The following SLC16A1 variants were observed in gnomAD, a reference collection of about 807,000 sequenced individuals.
SLC16A1 encodes the protein monocarboxylate transporter 1.
In SLC16A1, 11 loss-of-function variants were observed where a neutral mutation model predicts 32.2. The ratio of observed to expected loss-of-function variants is 0.34; its 90% CI spans 0.21 to 0.56. The LOEUF is 0.56. Among genes scored for constraint, SLC16A1 ranks in the 20% least tolerant of loss-of-function variants. SLC16A1 has a pLI of 0.87. For missense variants in SLC16A1, 435 were observed against 615.0 expected (o/e 0.71, Z 3.10); for synonymous variants, 231 against 226.8 (o/e 1.02, Z -0.17).
chr1:112,929,544 A>G (rs749581943), intron 1 of SLC16A1, among the ~76,000 whole-genome samples, 192 bp from the exon 2 acceptor site: 17 of 152,042 alleles, frequency 1.1e-4, no homozygotes, highest in Non-Finnish European at 1.9e-4. Context: ...TCCTGTGTCT[A>G]AGAAAATTTT....
intron 2 of SLC16A1, among the ~76,000 whole-genome samples, chr1:112,927,350 C>T (rs982045176): frequency 6.6e-6 from 1 of 151,604 alleles, no homozygotes; most frequent in African/African-American, 2.4e-5. Context: ...ATCTCTTCCC[C>T]GCAAAATATA....
Position 112,913,971 on chromosome 1 carries a change from T to C in SLC16A1, c.1423A>G (p.Asn475Asp). Residue 475 changes from asparagine to aspartate, a missense_variant, in exon 5 of 5, where the codon AAT becomes GAT. By Grantham distance (23) the Asn-to-Asp change is conservative (BLOSUM62 1). Coordinates refer to ENST00000369626, the MANE Select transcript of SLC16A1 (RefSeq NM_003051.4). ...GATTCTGCTGCTTTGGTAACTTCATTTGGCTTCCCAGCAACATCTATACTG... is the reference window on the plus strand; with the variant it reads ...GATTCTGCTGCTTTGGTAACTTCATCTGGCTTCCCAGCAACATCTATACTG... ...ETSIDVAGKP[N>D]EVTKAAESPD... is the part of the protein sequence containing the mutation. 1 of 1,614,212 alleles carries C rather than the reference T, an allele frequency of 6.2e-7. No individual in the cohort carries two copies. Among genetic ancestry groups the C allele is most frequent in the Middle Eastern group, 1.6e-4 (1 of 6,062 alleles).
Position 112,917,101 on chromosome 1 carries a change from G to A in SLC16A1, c.1228+77C>T. On this transcript the variant is annotated intron_variant, in intron 4 of 4. Coordinates refer to ENST00000369626, the MANE Select transcript of SLC16A1 (RefSeq NM_003051.4). This position sits in a 1 kb window ranked among gnomAD's most constrained non-coding sequence, Gnocchi z 4.1. Reference sequence around the variant, plus strand: ...ATTCTTACCCAAATAGCTCACTAATGTTTGCTTTCTGTCAGCATTCCCATC... The same window carrying A: ...ATTCTTACCCAAATAGCTCACTAATATTTGCTTTCTGTCAGCATTCCCATC... 1.9e-6 allele frequency: 3 copies of A among 1,579,272 alleles called. No individual in the cohort carries two copies. Among genetic ancestry groups the A allele is most frequent in the Non-Finnish European group, 2.6e-6 (3 of 1,151,308 alleles).
chr1:112,934,484 C>T (rs529761044), intron 1 of SLC16A1, among the ~76,000 whole-genome samples: 390 of 151,170 alleles, frequency 2.6e-3, no homozygotes, highest in Non-Finnish European at 4.5e-3. Context: ...GACAGTTACT[C>T]ATCAAAGTAT....
chr1:112,918,408 G>A (rs1029313324), intron 3 of SLC16A1, among the ~76,000 whole-genome samples: 2 of 152,166 alleles, frequency 1.3e-5, no homozygotes, highest in African/African-American at 4.8e-5. Context: ...ATTTGAAGGT[G>A]AATAACTATT....
At chr1:112,924,859 G>A (rs1212819177) in intron 2 of SLC16A1, among the ~76,000 whole-genome samples, 1 of 152,034 alleles carries the variant, frequency 6.6e-6, no homozygotes, top group Non-Finnish European at 1.5e-5. Context: ...GCAACAGAGT[G>A]AGGTTCTGTC....
rs920871210 is a variant in SLC16A1 at position 112,919,274 on chromosome 1, T to G, written c.362-1230A>C. 2.0e-5 allele frequency among the ~76,000 whole-genome samples: 3 copies of G among 152,236 alleles called. No individual in the cohort carries two copies. The South Asian group carries it at 6.2e-4, about 32-fold the overall frequency. On this transcript the variant is annotated intron_variant, in intron 3 of 4. Coordinates refer to ENST00000369626, the MANE Select transcript of SLC16A1 (RefSeq NM_003051.4). ...TGGTCTCGATCTCCTGACCTCGTGATCCACCTGGCTCGGCCTCCCAAAGTG... is the reference window on the plus strand; with the variant it reads ...TGGTCTCGATCTCCTGACCTCGTGAGCCACCTGGCTCGGCCTCCCAAAGTG...
chr1:112,926,185 A>C (rs1157270180), intron 2 of SLC16A1, among the ~76,000 whole-genome samples: 5 of 152,218 alleles, frequency 3.3e-5, no homozygotes, highest in Admixed American at 2.0e-4. Context: ...ATCCATATAG[A>C]TATAGATGTT....
At chr1:112,953,906 C>T (rs987330953) in intron 1 of SLC16A1, among the ~76,000 whole-genome samples, 1 of 152,182 alleles carries the variant, frequency 6.6e-6, no homozygotes, top group African/African-American at 2.4e-5. Context: ...CCTGTACCCA[C>T]CCTATTATAA....
In SLC16A1 at chr1:112,913,228, G is replaced by T. The variant is rs902240805; in HGVS notation, c.*663C>A. 3 of 152,436 alleles carry T rather than the reference G, an allele frequency of 2.0e-5. No homozygotes were observed. The highest frequency in any genetic ancestry group is 6.5e-5 in the Admixed American group (1 of 15,294). The allele number at this position is 152,436 out of a possible 1,614,324, so 9.4% of individuals were successfully genotyped here. On this transcript the variant is annotated 3_prime_UTR_variant, in exon 5 of 5. Coordinates refer to ENST00000369626, the MANE Select transcript of SLC16A1 (RefSeq NM_003051.4). ...ACTTGGCTTCTAATAAGCATCCCAA[G>T]AAAAGGTACCTGAGAGGGGTTGACA...
intron 3 of SLC16A1, among the ~76,000 whole-genome samples, chr1:112,918,812 A>G (rs1303167221): frequency 6.6e-6 from 1 of 152,124 alleles, no homozygotes; most frequent in Non-Finnish European, 1.5e-5. Context: ...CAAAAACCCA[A>G]AAACGAAAGA....
intron 1 of SLC16A1, among the ~76,000 whole-genome samples, chr1:112,933,362 G>A (rs1035620066): frequency 1.3e-5 from 2 of 149,892 alleles, no homozygotes; most frequent in African/African-American, 4.9e-5. Context: ...TGAGGCAAGA[G>A]AATCGCTCGC....
chr1:112,955,722 TA>T (rs2101658259), intron 1 of SLC16A1: 1 of 152,332 alleles, frequency 6.6e-6, no homozygotes, highest in Admixed American at 6.5e-5. Context: ...ATTGAAGACT[TA>T]GGGGGGAAGG....
intron 2 of SLC16A1, among the ~76,000 whole-genome samples, chr1:112,922,744 C>T (rs1648782846): frequency 6.6e-6 from 1 of 152,056 alleles, no homozygotes; most frequent in African/African-American, 2.4e-5. Flanking sequence ...CACTGCACTC[C>T]AGCCTGGGCA....
In SLC16A1 at chr1:112,948,796, C is replaced by T. The variant is rs75779616; in HGVS notation, c.-45+7239G>A. Among the ~76,000 whole-genome samples, 1,116 of 151,052 alleles carry T rather than the reference C, an allele frequency of 7.4e-3. 13 individuals are homozygous for T. Among genetic ancestry groups the T allele is most frequent in the African/African-American group, 0.026 (1,057 of 41,142 alleles). On this transcript the variant is annotated intron_variant, in intron 1 of 4. Transcript: ENST00000369626. ...GGGATTATGGGCATGGCCCCTGCACCGGCCAATATACAATTTTCAAATGAG... is the reference window on the plus strand; with the variant it reads ...GGGATTATGGGCATGGCCCCTGCACTGGCCAATATACAATTTTCAAATGAG...
At chr1:112,940,169 C>G (rs779522497) in intron 1 of SLC16A1, among the ~76,000 whole-genome samples, 1 of 150,906 alleles carries the variant, frequency 6.6e-6, no homozygotes, top group African/African-American at 2.4e-5. Context: ...TCACGAGTAG[C>G]TGAGATTACA....
intron 4 of SLC16A1, 55 bp from the exon 5 acceptor site, chr1:112,914,220 T>C (rs937196904): frequency 3.8e-5 from 61 of 1,595,246 alleles, no homozygotes; most frequent in South Asian, 2.3e-4. Flanking sequence ...AGTTTTTTTT[T>C]CCCCCAAGCA....
chr1:112,927,425 A>C (rs1379435607), intron 2 of SLC16A1, among the ~76,000 whole-genome samples: 1 of 152,182 alleles, frequency 6.6e-6, no homozygotes, highest in Non-Finnish European at 1.5e-5. Context: ...AACCAACCAT[A>C]TCTCAAGACG....
Position 112,917,224 on chromosome 1 carries a change from C to G in SLC16A1, c.1182G>C (p.Val394=). Residue 394 remains valine, a synonymous_variant, in exon 4 of 5, where the codon GTG becomes GTC. Coordinates refer to ENST00000369626, the MANE Select transcript of SLC16A1 (RefSeq NM_003051.4). This position sits in a 1 kb window ranked among gnomAD's most constrained non-coding sequence, Gnocchi z 4.1. The stretch of plus-strand genomic sequence containing the variant: ...GGACAGGACAGCATTCCACAATGGT[C>G]ACCAATCCCACAGCGCTGGAGAACC... ...PQRFSSAVGL[V]TIVECCPVLL... 2 of 1,614,182 alleles carry G rather than the reference C, an allele frequency of 1.2e-6. No individual in the cohort carries two copies. The highest frequency in any genetic ancestry group is 1.7e-6 in the Non-Finnish European group (2 of 1,180,044).
Sources: allele counts gnomAD v4.1 joint callset (sites outside exome capture counted in the v4.1 genomes callset), GRCh38; gene constraint gnomAD v4.1.1; non-coding constraint Gnocchi (gnomAD v3.1); transcripts MANE v1.5; gene names NCBI Gene and HGNC (gene_info 2026-07-23, HGNC 2026-07-21).